NTM: variants seen among roughly 807,000 people sequenced by gnomAD.
NTM encodes the protein neurotrimin.
A neutral mutation model predicts 42.1 loss-of-function variants in NTM; 13 were observed. The ratio of observed to expected loss-of-function variants is 0.31; its 90% CI spans 0.20 to 0.49. The LOEUF is 0.49. Among genes scored for constraint, NTM ranks in the 20% least tolerant of loss-of-function variants. The probability of loss-of-function intolerance (pLI) is 0.99; values close to 1 mark genes in which losing one functional copy is unlikely to be tolerated. For missense variants in NTM, 373 were observed against 452.8 expected (o/e 0.82, Z 1.60); for synonymous variants, 187 against 179.2 (o/e 1.04, Z -0.35).
chr11:131,975,211 T>G (rs1362124580), intron 2 of NTM, among the ~76,000 whole-genome samples: 1 of 152,060 alleles, frequency 6.6e-6, no homozygotes. Flanking sequence ...AGACAGAGTC[T>G]TGCTCTGTCA....
At chr11:131,479,118 A>G (rs1407446141) in intron 1 of NTM, among the ~76,000 whole-genome samples, 1 of 152,242 alleles carries the variant, frequency 6.6e-6, no homozygotes, top group Non-Finnish European at 1.5e-5. Flanking sequence ...TCACTTAAAT[A>G]ACCACTAAAC....
chr11:132,135,515 G>T (rs1255767867), intron 2 of NTM, among the ~76,000 whole-genome samples: 1 of 152,238 alleles, frequency 6.6e-6, no homozygotes, highest in African/African-American at 2.4e-5. Flanking sequence ...AGGGAAGCCA[G>T]GCAGGACAGG....
chr11:132,099,580 A>T (rs2061400620), intron 2 of NTM, among the ~76,000 whole-genome samples: 1 of 152,168 alleles, frequency 6.6e-6, no homozygotes, highest in African/African-American at 2.4e-5. Flanking sequence ...GTAGGTTATC[A>T]GTGGGTATTG....
At chr11:131,800,042 G>A (rs909024622) in intron 1 of NTM, among the ~76,000 whole-genome samples, 1 of 152,156 alleles carries the variant, frequency 6.6e-6, no homozygotes, top group African/African-American at 2.4e-5. Flanking sequence ...ACCTGGTGTG[G>A]TTCTCAGCAC....
At chr11:131,762,598 C>T (rs1230462336) in intron 1 of NTM, among the ~76,000 whole-genome samples, 1 of 152,216 alleles carries the variant, frequency 6.6e-6, no homozygotes, top group Non-Finnish European at 1.5e-5. Context: ...ACGGCCCTGT[C>T]GCCCTTCCCC....
At chr11:132,042,427 A>G (rs2077329954) in intron 2 of NTM, among the ~76,000 whole-genome samples, 1 of 152,136 alleles carries the variant, frequency 6.6e-6, no homozygotes, top group Admixed American at 6.5e-5. Context: ...TGACCAAACA[A>G]AAACAAAACA....
intron 2 of NTM, among the ~76,000 whole-genome samples, chr11:132,104,042 A>G (rs764393567): frequency 6.6e-6 from 1 of 152,206 alleles, no homozygotes; most frequent in Non-Finnish European, 1.5e-5. Flanking sequence ...AGGTCATTCT[A>G]CAGAGTATAT....
chr11:132,017,061 C>T (rs2073543220), intron 2 of NTM, among the ~76,000 whole-genome samples: 1 of 151,796 alleles, frequency 6.6e-6, no homozygotes, highest in South Asian at 2.1e-4. Flanking sequence ...GTATGATTTG[C>T]AAATATATTT....
At chr11:132,214,639 T>C (rs1008593198) in intron 4 of NTM, among the ~76,000 whole-genome samples, 1 of 152,188 alleles carries the variant, frequency 6.6e-6, no homozygotes, top group African/African-American at 2.4e-5. Context: ...CCTCTGACAT[T>C]TGAGCCTCTT....
intron 2 of NTM, among the ~76,000 whole-genome samples, chr11:131,958,072 C>T (rs554336741): frequency 4.9e-4 from 74 of 152,194 alleles, no homozygotes; most frequent in Non-Finnish European, 9.6e-4. Flanking sequence ...GCCTAGATGC[C>T]GACACCACCT....
At chr11:131,789,942 C>A (rs1418357160) in intron 1 of NTM, among the ~76,000 whole-genome samples, 5 of 111,152 alleles carry the variant, frequency 4.5e-5, no homozygotes, top group Admixed American at 1.3e-4. Flanking sequence ...GGCGACAGAG[C>A]GAGACTCCGT....
chr11:131,913,484 G>GT (rs2055664075), intron 2 of NTM, among the ~76,000 whole-genome samples: 1 of 152,236 alleles, frequency 6.6e-6, no homozygotes, highest in African/African-American at 2.4e-5. Context: ...TGTCCAGAGG[G>GT]TGGCTGCATT....
chr11:132,027,332 G>T (rs2075318609), intron 2 of NTM, among the ~76,000 whole-genome samples: 1 of 152,182 alleles, frequency 6.6e-6, no homozygotes, highest in Admixed American at 6.5e-5. Context: ...TAAAAATGGG[G>T]AAATAACGAT....
intron 1 of NTM, among the ~76,000 whole-genome samples, chr11:131,496,698 T>C (rs1258395642): frequency 2.6e-5 from 4 of 152,306 alleles, no homozygotes; most frequent in Non-Finnish European, 4.4e-5. Flanking sequence ...AGTTCAATAA[T>C]GCATTCAATA....
At chr11:131,558,700 A>C (rs1270404217) in intron 1 of NTM, among the ~76,000 whole-genome samples, 1 of 152,182 alleles carries the variant, frequency 6.6e-6, no homozygotes, top group African/African-American at 2.4e-5. Context: ...GGAGCTGGAA[A>C]GTCAAACAAA....
intron 1 of NTM, among the ~76,000 whole-genome samples, chr11:131,465,854 TG>T (rs1164184438): frequency 6.6e-6 from 1 of 150,900 alleles, no homozygotes; most frequent in Non-Finnish European, 1.5e-5. Flanking sequence ...GTCCCTTGGC[TG>T]TGCCCTGGAG....
chr11:131,797,716 T>C (rs1027022656), intron 1 of NTM, among the ~76,000 whole-genome samples: 1 of 152,234 alleles, frequency 6.6e-6, no homozygotes, highest in African/African-American at 2.4e-5. Flanking sequence ...TGGATTTTTA[T>C]ATTTGCTAGA....
intron 1 of NTM, among the ~76,000 whole-genome samples, chr11:131,655,297 T>C (rs563319885): frequency 1.3e-5 from 2 of 152,096 alleles, no homozygotes; most frequent in South Asian, 4.2e-4. Flanking sequence ...GAGGCTCCCA[T>C]CCTTACCCTA....
chr11:131,865,142 A>G (rs1302777140), intron 1 of NTM, among the ~76,000 whole-genome samples: 2 of 152,214 alleles, frequency 1.3e-5, no homozygotes, highest in Non-Finnish European at 1.5e-5. Flanking sequence ...CCCCAAAGGC[A>G]GGTATTAGTA....
Sources: gnomAD v4.1 joint callset for allele counts (sites outside exome capture counted in the v4.1 genomes callset) on GRCh38, gnomAD v4.1.1 for gene constraint, MANE v1.5 for transcripts, NCBI Gene and HGNC (gene_info 2026-07-23, HGNC 2026-07-21) for gene names.